Variants in GLB1L3 observed in about 807,000 individuals in gnomAD.
GLB1L3 encodes the protein galactosidase beta 1 like 3, also known as beta-galactosidase-1-like protein 3.
In GLB1L3, 89 loss-of-function variants were observed where a neutral mutation model predicts 89.5. The observed-to-expected ratio is 0.99, with a 90% CI of 0.84 to 1.19. The LOEUF is 1.19. Among genes scored for constraint, GLB1L3 ranks in the 50% most tolerant of loss-of-function variants. The probability of loss-of-function intolerance (pLI) is 0.00; values close to 1 mark genes in which losing one functional copy is unlikely to be tolerated. For synonymous variants in GLB1L3, 314 were observed against 312.3 expected, an observed-to-expected ratio of 1.01 and a Z score of -0.06; for missense variants, 812 against 813.3, an observed-to-expected ratio of 1.00 and a Z score of 0.02.
intron 10 of GLB1L3, among the ~76,000 whole-genome samples, chr11:134,307,533 G>T (rs550369900): frequency 6.6e-6 from 1 of 152,192 alleles, no homozygotes; most frequent in East Asian, 1.9e-4. Flanking sequence ...ACCTGCGCAG[G>T]TAAGGTTAGG....
At chr11:134,310,411 T>C in intron 11 of GLB1L3, 160 bp from the exon 12 acceptor site, 1 of 601,408 alleles carries the variant, frequency 1.7e-6, no homozygotes, top group Non-Finnish European at 3.0e-6. Flanking sequence ...GGAAGAGTTG[T>C]GGGGAATGTC....
In GLB1L3 at chr11:134,312,825, G is replaced by A. The variant is rs1377759676; in HGVS notation, c.1438G>A (p.Asp480Asn). 2 of 1,611,414 alleles carry A rather than the reference G, an allele frequency of 1.2e-6. No homozygotes were observed. Among genetic ancestry groups the A allele is most frequent in the East Asian group, 4.5e-5 (2 of 44,858 alleles). The change falls in exon 15 of 20, where the codon GAT becomes AAT. Residue 480 changes from aspartate to asparagine, a missense_variant. This residue lies in a region of GLB1L3 where 618 missense variants were observed against 604.0 expected (regional missense o/e 1.02). Coordinates refer to ENST00000431683, the MANE Select transcript of GLB1L3 (RefSeq NM_001080407.3). ...HAHDVAQVFLDETMIGILNEN... is the reference protein window; with the variant it reads ...HAHDVAQVFLNETMIGILNEN... ...GGCTCTTCTTTTGCAGGTGTTTTTG[G>A]ATGAGACAATGATAGGGATTCTGAA...
chr11:134,293,928 C>G (rs925359206), intron 9 of GLB1L3, among the ~76,000 whole-genome samples: 12 of 152,178 alleles, frequency 7.9e-5, no homozygotes, highest in African/African-American at 2.9e-4. Context: ...GCCCCGCTAC[C>G]CCTCCCTTGA....
In GLB1L3 at chr11:134,308,533, TACCACCACCATCACCATCACCATC is replaced by T. The variant is rs1591580982; in HGVS notation, c.962-1082_962-1059del. On this transcript the variant is annotated intron_variant, in intron 10 of 19. Transcript: ENST00000431683. ...CCACCACCACCATGTCCACCACCAC[TACCACCACCATCACCATCACCATC>T]ACCACCACCACCACCATCACCATCA... is the stretch of plus-strand genomic sequence containing the variant. Among the ~76,000 whole-genome samples, 8 of 23,340 alleles carry T rather than the reference TACCACCACCATCACCATCACCATC, an allele frequency of 3.4e-4. No individual in the cohort carries two copies. In the East Asian group the frequency reaches 3.7e-3, roughly 11 times the overall value. The allele number at this position is 23,340 out of a possible 152,430, so 15.3% of individuals were successfully genotyped here. A position where few individuals can be genotyped will look rare whatever the true frequency, so the allele number is the denominator to read the frequency against.
chr11:134,286,504 G>A (rs934233902), intron 6 of GLB1L3, among the ~76,000 whole-genome samples: 7 of 63,204 alleles, frequency 1.1e-4, no homozygotes, highest in South Asian at 5.2e-4. Context: ...GGCCGGGCGC[G>A]GTGGCTCACG....
chr11:134,291,659 G>A (rs1294990108), intron 7 of GLB1L3, among the ~76,000 whole-genome samples: 3 of 152,310 alleles, frequency 2.0e-5, no homozygotes, highest in East Asian at 1.9e-4. Flanking sequence ...GCCTGTGCAC[G>A]TTCAGTACAG....
At chr11:134,307,551 C>T (rs898917536) in intron 10 of GLB1L3, among the ~76,000 whole-genome samples, 5 of 152,090 alleles carry the variant, frequency 3.3e-5, no homozygotes, top group African/African-American at 9.7e-5. Context: ...AGGTGGTCAC[C>T]GAAGCTTCTC....
intron 11 of GLB1L3, 184 bp downstream of exon 11, chr11:134,309,947 G>A (rs1314801036): frequency 1.5e-6 from 1 of 661,352 alleles, no homozygotes; most frequent in Non-Finnish European, 2.5e-6. Flanking sequence ...GGCTGTCATT[G>A]CAGTAGACAG....
intron 9 of GLB1L3, among the ~76,000 whole-genome samples, chr11:134,302,727 TTTTG>T (rs138398432): frequency 0.023 from 3,564 of 152,298 alleles, 164 homozygotes; most frequent in Admixed American, 0.11. Flanking sequence ...TTATGTTTAA[TTTTG>T]TTTGTGTTTA....
chr11:134,313,964 A>C lies in GLB1L3; in HGVS notation c.1603A>C (p.Asn535His), dbSNP rs1256347030. ...AGGAATAACTGGATCTGTCAGCATC[A>C]ATAACTCTTCCCTGGAGGGCTTTAC... ...QKGITGSVSINNSSLEGFTIY... is the reference protein window; with the variant it reads ...QKGITGSVSIHNSSLEGFTIY... The change falls in exon 17 of 20, where the codon AAT becomes CAT. Residue 535 changes from asparagine (N) to histidine (H), a missense_variant. By Grantham distance (68) the Asn-to-His change is moderately conservative. Around this residue, in one of 3 missense-constraint regions of GLB1L3, gnomAD observed 618 missense variants for 604.0 expected, o/e 1.02. Coordinates refer to ENST00000431683, the MANE Select transcript of GLB1L3 (RefSeq NM_001080407.3). The C allele has an allele frequency of 6.2e-7, 1 of 1,612,194 alleles. No individual in the cohort carries two copies. Among genetic ancestry groups the C allele is most frequent in the Non-Finnish European group, 8.5e-7 (1 of 1,178,640 alleles).
rs201524135 is a variant in GLB1L3 at position 134,313,396 on chromosome 11, G to A, written c.1501G>A (p.Asp501Asn). Residue 501 changes from aspartate to asparagine, a missense_variant and splice_region_variant, in exon 16 of 20, where the codon GAC (aspartate) becomes AAC (asparagine). Asp to Asn is a conservative substitution (Grantham distance 23). Transcript: ENST00000431683. ...TCCATGACCTGGCCTGTCCCAGCAG[G>A]ACTGCCGATACCTGAGGATCCTGGT... The part of the protein sequence containing the change: ...NKDLHIPELR[D>N]CRYLRILVEN... 864 of 1,576,800 alleles carry A rather than the reference G, an allele frequency of 5.5e-4. 3 individuals are homozygous for A. The highest frequency in any genetic ancestry group is 4.0e-3 in the Admixed American group (218 of 54,146).
chr11:134,315,854 CTT>C (rs1405820621), intron 18 of GLB1L3, among the ~76,000 whole-genome samples: 5 of 152,014 alleles, frequency 3.3e-5, no homozygotes, highest in African/African-American at 1.2e-4. Flanking sequence ...TTTATAATGT[CTT>C]GACATAGATA....
At chr11:134,301,011 C>T (rs1035021584) in intron 9 of GLB1L3, among the ~76,000 whole-genome samples, 1 of 152,220 alleles carries the variant, frequency 6.6e-6, no homozygotes, top group African/African-American at 2.4e-5. Context: ...GAGTTAAAGC[C>T]AGCATCAGGG....
Position 134,319,020 on chromosome 11 carries a change from T to A in GLB1L3, c.*78T>A. ...CCCAGGCTGGAGTGCAGTGGCACAA[T>A]CTCTGCTCACTGCAAGCTCAGCCTC... On this transcript the variant is annotated 3_prime_UTR_variant, in exon 20 of 20. Coordinates refer to ENST00000431683, the MANE Select transcript of GLB1L3 (RefSeq NM_001080407.3). 1 of 1,004,602 alleles carries A rather than the reference T, an allele frequency of 1.0e-6. No homozygotes were observed. The highest frequency in any genetic ancestry group is 1.3e-5 in the South Asian group (1 of 76,036). 62.2% of individuals were successfully genotyped at this position (1,004,602 alleles called of 1,614,324 possible).
chr11:134,323,893 CT>C (rs557049025), downstream of GLB1L3, among the ~76,000 whole-genome samples: 169 of 152,220 alleles, frequency 1.1e-3, 2 homozygotes, highest in African/African-American at 3.7e-3. Context: ...GTTTCAAAAT[CT>C]TTTTTATGTC....
intron 3 of GLB1L3, 45 bp downstream of exon 3, chr11:134,277,957 T>C (rs1441005797): frequency 6.3e-7 from 1 of 1,593,524 alleles, no homozygotes; most frequent in South Asian, 1.1e-5. Flanking sequence ...ACCCTACAAG[T>C]GCATCCTGGC....
intron 3 of GLB1L3, among the ~76,000 whole-genome samples, 184 bp downstream of exon 3, chr11:134,278,096 G>T (rs1011043703): frequency 6.6e-6 from 1 of 152,174 alleles, no homozygotes; most frequent in Non-Finnish European, 1.5e-5. Flanking sequence ...TTTGCTCTGT[G>T]ATCAAAGACT....
Position 134,277,917 on chromosome 11 carries a change from G to T in GLB1L3, c.362+5G>T, listed in dbSNP as rs1940468940. On this transcript the variant is annotated splice_donor_5th_base_variant and intron_variant, in intron 3 of 19. Coordinates refer to ENST00000431683, the MANE Select transcript of GLB1L3 (RefSeq NM_001080407.3). Reference sequence around the variant, plus strand: ...TGGCTTCAATACTGTCACCACGTGAGTGCCGGCCCCTCACCTCCAGGATCT... The same window carrying T: ...TGGCTTCAATACTGTCACCACGTGATTGCCGGCCCCTCACCTCCAGGATCT... The T allele has an allele frequency of 6.2e-7, 1 of 1,613,448 alleles. No individual in the cohort carries two copies. Among genetic ancestry groups the T allele is most frequent in the African/African-American group, 1.3e-5 (1 of 75,026 alleles).
chr11:134,296,530 A>C (rs1448136137), intron 9 of GLB1L3, among the ~76,000 whole-genome samples: 32 of 137,968 alleles, frequency 2.3e-4, no homozygotes, highest in South Asian at 1.3e-3. Flanking sequence ...TGATGAGTTC[A>C]TGTCCTTTGT....
Sources: gnomAD v4.1 joint callset for allele counts (sites outside exome capture counted in the v4.1 genomes callset) on GRCh38, gnomAD v4.1.1 for gene constraint, gnomAD v4.1.1 regional missense constraint, MANE v1.5 for transcripts, NCBI Gene and HGNC (gene_info 2026-07-23, HGNC 2026-07-21) for gene names.